Variants in CNTRL observed in about 807,000 individuals in gnomAD.
CNTRL encodes the protein centriolin, also known as 110 kDa centrosomal protein.
Under a neutral mutation model 303.7 loss-of-function variants are expected in CNTRL, and 233 were observed. The observed-to-expected ratio is 0.77, with a 90% confidence interval of 0.69 to 0.86. The LOEUF is 0.86. Among genes scored for constraint, CNTRL ranks in the 40% least tolerant of loss-of-function variants. The probability of loss-of-function intolerance (pLI) is 0.00; values close to 1 mark genes in which losing one functional copy is unlikely to be tolerated. For missense variants in CNTRL, 2,524 were observed against 2,650.6 expected, an observed-to-expected ratio of 0.95 and a Z score of 1.05; for synonymous variants, 900 against 922.2, an observed-to-expected ratio of 0.98 and a Z score of 0.44.
chr9:121,143,857 C>A, intron 19 of CNTRL, 46 bp from the exon 20 acceptor site: 1 of 1,472,194 alleles, frequency 6.8e-7, no homozygotes, highest in Non-Finnish European at 9.2e-7. Context: ...TGAATTCATT[C>A]CTGCCAAATG....
At chr9:121,121,972 C>G (rs1159462207) in intron 12 of CNTRL, 3 of 972,978 alleles carry the variant, frequency 3.1e-6, no homozygotes, top group African/African-American at 3.5e-5. Flanking sequence ...TTTTCTCTCT[C>G]TGTACAAAGG....
intron 4 of CNTRL, among the ~76,000 whole-genome samples, chr9:121,092,868 G>T (rs549091564): frequency 7.4e-6 from 1 of 135,964 alleles, no homozygotes; most frequent in African/African-American, 2.9e-5. Context: ...GTGCAATGGC[G>T]TGATCTCGGC....
chr9:121,117,914 G>A (rs2133282159), intron 11 of CNTRL, among the ~76,000 whole-genome samples: 1 of 151,920 alleles, frequency 6.6e-6, no homozygotes, highest in East Asian at 1.9e-4. Context: ...GGGATGCAGA[G>A]CTTGCGGTGA....
At chr9:121,172,337 G>A (rs1230783519) in intron 40 of CNTRL, among the ~76,000 whole-genome samples, 1 of 152,142 alleles carries the variant, frequency 6.6e-6, no homozygotes, top group Non-Finnish European at 1.5e-5. Flanking sequence ...AATGCAGTTG[G>A]TAACACTTTA....
rs1200700087 is a variant in CNTRL, at chr9:121,162,206, C to A, written c.5358C>A (p.Ser1786Arg). The A allele has an allele frequency of 1.2e-6, 2 of 1,613,902 alleles. No homozygotes were observed. Among genetic ancestry groups the A allele is most frequent in the East Asian group, 2.2e-5 (1 of 44,862 alleles). Reference protein sequence around the residue: ...RALQSCVECLSKEKEDLQEKC... With the variant: ...RALQSCVECLRKEKEDLQEKC... Reference sequence around the variant, plus strand: ...TACAATCGTGTGTTGAGTGTTTGAGCAAAGAAAAGGAAGATCTCCAAGAGA... The same window carrying A: ...TACAATCGTGTGTTGAGTGTTTGAGAAAAGAAAAGGAAGATCTCCAAGAGA... Residue 1786 changes from serine to arginine, a missense_variant, in exon 34 of 44, where the codon AGC becomes AGA. By Grantham distance (110) the Ser-to-Arg change is moderately radical. Coordinates refer to ENST00000373855, the MANE Select transcript of CNTRL (RefSeq NM_007018.6).
At chr9:121,175,641 A>G (rs1383500203) in intron 43 of CNTRL, among the ~76,000 whole-genome samples, 3 of 152,226 alleles carry the variant, frequency 2.0e-5, no homozygotes, top group Admixed American at 1.3e-4. Context: ...TGTATAATCT[A>G]GAGGAGATTC....
chr9:121,174,902 TGACAGCCA>T, intron 42 of CNTRL, 108 bp from the exon 43 acceptor site: 3 of 864,966 alleles, frequency 3.5e-6, no homozygotes, highest in Admixed American at 3.8e-5. Flanking sequence ...TGAGCATTTT[TGACAGCCA>T]TTCCTACTGT....
intron 11 of CNTRL, among the ~76,000 whole-genome samples, chr9:121,116,581 C>T (rs190724919): frequency 6.6e-6 from 1 of 152,290 alleles, no homozygotes; most frequent in African/African-American, 2.4e-5. Context: ...TCTTGGCCTC[C>T]TAAATTGTTC....
chr9:121,112,400 A>G, intron 8 of CNTRL, 59 bp from the exon 9 acceptor site: 2 of 1,525,102 alleles, frequency 1.3e-6, no homozygotes, highest in African/African-American at 1.4e-5. Flanking sequence ...CCATATCATC[A>G]CACCTTTATA....
In CNTRL at chr9:121,125,956, T is replaced by C. The variant is rs1258200484; in HGVS notation, c.2025+20T>C. ...AGGAAGGTATGATTTTTTTCCTGCC[T>C]ATTTTCCGTAGCTTCATAAGTAGAT... On this transcript the variant is annotated intron_variant, in intron 14 of 43. Coordinates refer to ENST00000373855, the MANE Select transcript of CNTRL (RefSeq NM_007018.6). 1 of 1,597,664 alleles carries C rather than the reference T, an allele frequency of 6.3e-7. No homozygotes were observed. Among genetic ancestry groups the C allele is most frequent in the African/African-American group, 1.3e-5 (1 of 74,730 alleles).
chr9:121,091,387 G>T (rs2048563740), intron 4 of CNTRL, among the ~76,000 whole-genome samples: 1 of 152,128 alleles, frequency 6.6e-6, no homozygotes, highest in Non-Finnish European at 1.5e-5. Context: ...TGCTATAAAA[G>T]TATTAGAGAG....
chr9:121,096,213 C>G (rs1477740345), intron 5 of CNTRL, among the ~76,000 whole-genome samples: 1 of 152,138 alleles, frequency 6.6e-6, no homozygotes, highest in East Asian at 1.9e-4. Flanking sequence ...GATAGGATTC[C>G]TGGGCATAGT....
chr9:121,116,152 G>A (rs1292940983), intron 11 of CNTRL, among the ~76,000 whole-genome samples: 1 of 152,178 alleles, frequency 6.6e-6, no homozygotes, highest in Non-Finnish European at 1.5e-5. Flanking sequence ...ACTTTAGATT[G>A]TGGGGATTCA....
chr9:121,151,384 C>CTTTTTTTTTTTTTTTTTTTTTTTTT (rs200247383), intron 25 of CNTRL, among the ~76,000 whole-genome samples: 2 of 91,516 alleles, frequency 2.2e-5, no homozygotes, highest in Non-Finnish European at 4.3e-5. Context: ...CTTTTTTCTT[C>CTTTTTTTTTTTTTTTTTTTTTTTTT]TTCTTTTTTT....
chr9:121,119,178 G>A (rs906713732), intron 12 of CNTRL, among the ~76,000 whole-genome samples: 3 of 151,870 alleles, frequency 2.0e-5, no homozygotes, highest in Non-Finnish European at 4.4e-5. Flanking sequence ...GTAGCTTTCA[G>A]TAAATGATGG....
chr9:121,145,469 T>C lies in CNTRL; in HGVS notation c.3310+84T>C. The C allele has an allele frequency of 2.2e-6, 3 of 1,364,554 alleles. No homozygotes were observed. The South Asian group carries it at 4.6e-5, about 21-fold the overall frequency. 84.5% of individuals were successfully genotyped at this position (1,364,554 alleles called of 1,614,324 possible). On this transcript the variant is annotated intron_variant, in intron 22 of 43. Coordinates refer to ENST00000373855, the MANE Select transcript of CNTRL (RefSeq NM_007018.6). ...TCATTTGTTTTTTACCTTTAACTGT[T>C]ACAAATCAAGTCCATGCTTGATTCA... is the stretch of plus-strand genomic sequence containing the variant.
chr9:121,169,387 T>C (rs2053216160), intron 38 of CNTRL, among the ~76,000 whole-genome samples: 1 of 152,244 alleles, frequency 6.6e-6, no homozygotes, highest in Non-Finnish European at 1.5e-5. Context: ...TCTGTCACTC[T>C]GGGATCAGGC....
chr9:121,090,429 C>T, intron 4 of CNTRL, 24 bp downstream of exon 4: 1 of 1,599,032 alleles, frequency 6.3e-7, no homozygotes, highest in Non-Finnish European at 8.5e-7. Flanking sequence ...AATTTCTGAG[C>T]ATAGATACTG....
At position 121,162,197 on chromosome 9, in the gene CNTRL, G is replaced by A. The variant is rs769610183; in HGVS notation, c.5349G>A (p.Glu1783=). 4.3e-6 allele frequency: 7 copies of A among 1,614,040 alleles called. No homozygotes were observed. The South Asian group carries it at 7.7e-5, about 18-fold the overall frequency. ...CCCGAGCTTTACAATCGTGTGTTGA[G>A]TGTTTGAGCAAAGAAAAGGAAGATC... ...AESRALQSCV[E]CLSKEKEDLQ... Residue 1783 remains glutamate, a synonymous_variant, in exon 34 of 44, where the codon GAG becomes GAA. Coordinates refer to ENST00000373855, the MANE Select transcript of CNTRL (RefSeq NM_007018.6).
Sources: allele counts gnomAD v4.1 joint callset (sites outside exome capture counted in the v4.1 genomes callset), GRCh38; gene constraint gnomAD v4.1.1; transcripts MANE v1.5; gene names NCBI Gene and HGNC (gene_info 2026-07-23, HGNC 2026-07-21).